E2F1: variants seen among roughly 807,000 people sequenced by gnomAD.
The protein encoded by E2F1 is E2F transcription factor 1, also known as transcription factor E2F1.
Under a neutral mutation model 36.9 loss-of-function variants are expected in E2F1, and 7 were observed. That is an observed-to-expected ratio of 0.19 (90% CI 0.11 to 0.36). The LOEUF (loss-of-function observed/expected upper bound fraction) is 0.36, where lower values mean the gene tolerates loss of function less well. Ranked by LOEUF, E2F1 falls within the 10% of genes least tolerant of loss-of-function variation. The pLI is 1.00. For synonymous variants in E2F1, 261 were observed against 263.1 expected, an observed-to-expected ratio of 0.99 and a Z score of 0.08; for missense variants, 406 against 573.6, an observed-to-expected ratio of 0.71 and a Z score of 2.99.
intron 3 of E2F1, 94 bp from the exon 4 acceptor site, chr20:33,678,447 G>A: frequency 6.8e-7 from 1 of 1,472,268 alleles, no homozygotes; most frequent in Non-Finnish European, 9.2e-7. Flanking sequence ...TGTTGCCTCT[G>A]TTCTGTGAGG....
intron 1 of E2F1, among the ~76,000 whole-genome samples, chr20:33,684,870 C>T (rs972941684): frequency 3.9e-5 from 6 of 152,156 alleles, no homozygotes; most frequent in Non-Finnish European, 8.8e-5. Context: ...ACCCCTCCCA[C>T]TTGCTCCAAG....
At chr20:33,682,231 C>T (rs566344100) in intron 1 of E2F1, among the ~76,000 whole-genome samples, 14 of 152,314 alleles carry the variant, frequency 9.2e-5, no homozygotes, top group African/African-American at 2.6e-4. Flanking sequence ...ATGAACCCCC[C>T]CCATGCTGAT....
rs1400047527 is a variant in E2F1 at position 33,676,800 on chromosome 20, C to G, written c.1246G>C (p.Glu416Gln). ...AGGTCTCTGATGCCCTCGCCCTCCT[C>G]GAGGCCGAAGTGGTAGTCGAGGGCC... is the stretch of plus-strand genomic sequence containing the variant. ...HEALDYHFGL[E>Q]EGEGIRDLFD... Residue 416 changes from glutamate to glutamine, a missense_variant, in exon 7 of 7, where the codon GAG (glutamate) becomes CAG (glutamine). Glu to Gln is a conservative substitution (Grantham distance 29). Coordinates refer to ENST00000343380, the MANE Select transcript of E2F1 (RefSeq NM_005225.3). 1 of 1,603,350 alleles carries G rather than the reference C, an allele frequency of 6.2e-7. No homozygotes were observed. Among genetic ancestry groups the G allele is most frequent in the East Asian group, 2.3e-5 (1 of 44,194 alleles).
At chr20:33,683,865 G>C (rs917602163) in intron 1 of E2F1, among the ~76,000 whole-genome samples, 1 of 152,206 alleles carries the variant, frequency 6.6e-6, no homozygotes, top group African/African-American at 2.4e-5. Context: ...AAGTGGACAG[G>C]CAGGGCCAAG....
At position 33,686,244 on chromosome 20, in the gene E2F1, AG is replaced by A; in HGVS notation, c.20del (p.Pro7LeufsTer82). 9.9e-7 allele frequency: 1 copy of A among 1,009,220 alleles called. No homozygotes were observed. The highest frequency in any genetic ancestry group is 4.3e-5 in the South Asian group (1 of 23,236). 62.5% of individuals were successfully genotyped at this position (1,009,220 alleles called of 1,614,324 possible). A position where few individuals can be genotyped will look rare whatever the true frequency, so the allele number is the denominator to read the frequency against. On this transcript the variant is annotated frameshift_variant, in exon 1 of 7. Transcript: ENST00000343380. LOFTEE classifies it high-confidence loss of function. ...GCGCCGGCGCGCATGGGCCGCCCGC[AG>A]GGGCCCCGGCCAAGGCCATGACGCT... MALAGA[P>X]AGGPCAPALE...
chr20:33,679,281 T>G lies in E2F1; in HGVS notation c.572+474A>C, dbSNP rs3213170. The stretch of plus-strand genomic sequence containing the variant: ...AAGCTGCGCGGGGCGCAGTGGCTCA[T>G]GCCTGTAATCCCAGCACTTTGGGAG... On this transcript the variant is annotated intron_variant, in intron 3 of 6. Coordinates refer to ENST00000343380, the MANE Select transcript of E2F1 (RefSeq NM_005225.3). The surrounding 1 kb of genome is among the most constrained non-coding windows in gnomAD (Gnocchi z 4.6). 0.023 allele frequency among the ~76,000 whole-genome samples: 3,557 copies of G among 152,346 alleles called. 60 individuals are homozygous for G. The highest frequency in any genetic ancestry group is 0.035 in the Non-Finnish European group (2,361 of 68,036).
At chr20:33,678,075 T>G in intron 4 of E2F1, 126 bp downstream of exon 4, 1 of 1,125,918 alleles carries the variant, frequency 8.9e-7, no homozygotes, top group Non-Finnish European at 1.2e-6. Flanking sequence ...AGTGAGAAAA[T>G]GCTGAGCCAG....
chr20:33,676,713 C>G lies in E2F1; in HGVS notation c.*19G>C, dbSNP rs1290191971. 1.3e-6 allele frequency: 2 copies of G among 1,589,566 alleles called. No homozygotes were observed. Among genetic ancestry groups the G allele is most frequent in the Non-Finnish European group, 1.7e-6 (2 of 1,166,976 alleles). ...GACAAGGTGAGCATCTCTGGAAACC[C>G]TGGTCCCTCCAAGCCCTGTCAGAAA... On this transcript the variant is annotated 3_prime_UTR_variant, in exon 7 of 7. Transcript: ENST00000343380.
Position 33,678,338 on chromosome 20 carries a change from T to C in E2F1, c.588A>G (p.Thr196=), listed in dbSNP as rs1298851509. The C allele has an allele frequency of 6.2e-7, 1 of 1,612,194 alleles. No homozygotes were observed. The highest frequency in any genetic ancestry group is 1.7e-5 in the Admixed American group (1 of 60,032). ...NHIQWLGSHT[T]VGVGGRLEGL... ...CCTCAAGCCGTCCGCCGACGCCCAC[T>C]GTGGTGTGGCTGCCCCTGTGGGGAG... Residue 196 remains threonine (T), a synonymous_variant, in exon 4 of 7, where the codon ACA becomes ACG. Transcript: ENST00000343380.
At chr20:33,685,026 A>G (rs548033268) in intron 1 of E2F1, among the ~76,000 whole-genome samples, 1 of 152,082 alleles carries the variant, frequency 6.6e-6, no homozygotes, top group East Asian at 1.9e-4. Flanking sequence ...TACGCCTCCA[A>G]TCCCTTCTCC....
chr20:33,682,683 G>C (rs1156565548), intron 1 of E2F1, among the ~76,000 whole-genome samples: 1 of 152,208 alleles, frequency 6.6e-6, no homozygotes, highest in Non-Finnish European at 1.5e-5. Flanking sequence ...AACACTGGCA[G>C]AGGGGCCCCG....
intron 1 of E2F1, among the ~76,000 whole-genome samples, chr20:33,682,193 G>A (rs1397362111): frequency 6.6e-6 from 1 of 152,130 alleles, no homozygotes; most frequent in Middle Eastern, 3.2e-3. Flanking sequence ...GTCTGCCATG[G>A]AGCCTGGCAT....
At chr20:33,678,037 G>C (rs2017981678) in intron 4 of E2F1, among the ~76,000 whole-genome samples, 164 bp downstream of exon 4, 1 of 152,212 alleles carries the variant, frequency 6.6e-6, no homozygotes, top group African/African-American at 2.4e-5. Context: ...GAGGCCAAGA[G>C]GTTAAGCAAT....
intron 1 of E2F1, among the ~76,000 whole-genome samples, chr20:33,683,535 G>C (rs1182476549): frequency 6.6e-6 from 1 of 151,814 alleles, no homozygotes; most frequent in African/African-American, 2.4e-5. Context: ...CACTTTGAGA[G>C]GCTGAGACAG....
At chr20:33,678,419 C>A (rs2017986292) in intron 3 of E2F1, 66 bp from the exon 4 acceptor site, 2 of 1,584,002 alleles carry the variant, frequency 1.3e-6, no homozygotes, top group East Asian at 2.2e-5. Flanking sequence ...GAGCCCTGGG[C>A]CTCAGGACAG....
chr20:33,680,367 C>T lies in E2F1; in HGVS notation c.311G>A (p.Ser104Asn). ...LETDHQYLAE[S>N]SGPARGRGRH... The stretch of plus-strand genomic sequence containing the variant: ...GCCTCTGCCCCGAGCTGGCCCACTG[C>T]TCTCGGCCAGGTACTGATGGTCAGT... The change falls in exon 2 of 7, where the codon AGC (serine) becomes AAC (asparagine). Residue 104 changes from serine to asparagine, a missense_variant. This residue lies in a region of E2F1 where 77 missense variants were observed against 131.7 expected (regional missense o/e 0.58). Transcript: ENST00000343380. 6.2e-7 allele frequency: 1 copy of T among 1,614,238 alleles called. No homozygotes were observed.
At chr20:33,683,960 C>T (rs1169395738) in intron 1 of E2F1, among the ~76,000 whole-genome samples, 1 of 152,158 alleles carries the variant, frequency 6.6e-6, no homozygotes, top group Non-Finnish European at 1.5e-5. Context: ...AGGACTGTGC[C>T]AGACAAATGC....
At position 33,676,905 on chromosome 20, in the gene E2F1, C is replaced by A; in HGVS notation, c.1141G>T (p.Asp381Tyr). ...TCCCGCACATGCTCCAGGAGCGAGT[C>A]GGCCGCCACCAGCGGGGACAGGCGG... is the stretch of plus-strand genomic sequence containing the variant. ...EDRLSPLVAA[D>Y]SLLEHVREDF... The change falls in exon 7 of 7, where the codon GAC becomes TAC. Residue 381 changes from aspartate to tyrosine, a missense_variant. Asp to Tyr is a radical substitution (Grantham distance 160). This residue lies in a region of E2F1 where 163 missense variants were observed against 181.5 expected (regional missense o/e 0.90). Transcript: ENST00000343380. 1 of 1,568,868 alleles carries A rather than the reference C, an allele frequency of 6.4e-7. No homozygotes were observed. The highest frequency in any genetic ancestry group is 1.2e-5 in the South Asian group (1 of 86,188).
chr20:33,685,597 C>T (rs1213467225), intron 1 of E2F1, among the ~76,000 whole-genome samples: 1 of 152,164 alleles, frequency 6.6e-6, no homozygotes, highest in East Asian at 1.9e-4. Flanking sequence ...AGTCACTTTC[C>T]CTCTCTGGGC....
Sources: allele counts gnomAD v4.1 joint callset (sites outside exome capture counted in the v4.1 genomes callset), GRCh38; gene constraint gnomAD v4.1.1; regional missense constraint gnomAD v4.1.1; non-coding constraint Gnocchi (gnomAD v3.1); transcripts MANE v1.5; gene names NCBI Gene and HGNC (gene_info 2026-07-23, HGNC 2026-07-21).